Variants in MKLN1 observed in about 807,000 individuals in gnomAD.
The protein encoded by MKLN1 is muskelin 1.
MKLN1 carries 18 observed loss-of-function variants against 99.0 expected under a neutral mutation model. The observed-to-expected ratio is 0.18, with a 90% CI of 0.13 to 0.27. The LOEUF is 0.27. Ranked by LOEUF, MKLN1 falls within the 10% of genes least tolerant of loss-of-function variation. The pLI is 1.00. For missense variants in MKLN1, 621 were observed against 875.9 expected, an observed-to-expected ratio of 0.71 and a Z score of 3.67; for synonymous variants, 288 against 293.2, an observed-to-expected ratio of 0.98 and a Z score of 0.18.
chr7:131,263,585 T>G (rs1346490411), intron 3 of MKLN1, among the ~76,000 whole-genome samples: 1 of 151,658 alleles, frequency 6.6e-6, no homozygotes, highest in Admixed American at 6.6e-5. Context: ...CTTTTTTTTT[T>G]TTTTGAGACT....
At chr7:131,389,463 A>AT (rs981951381) in intron 4 of MKLN1, among the ~76,000 whole-genome samples, 6 of 151,638 alleles carry the variant, frequency 4.0e-5, no homozygotes, top group South Asian at 2.1e-4. Context: ...TTATTTATTT[A>AT]TTTTTTTTAG....
intron 3 of MKLN1, among the ~76,000 whole-genome samples, chr7:131,266,892 G>T (rs1369656753): frequency 6.6e-6 from 1 of 151,888 alleles, no homozygotes; most frequent in Non-Finnish European, 1.5e-5. Context: ...AAGGATAGAA[G>T]GAAAGTTTGT....
chr7:131,391,219 G>T (rs1310580178), intron 4 of MKLN1, among the ~76,000 whole-genome samples: 1 of 151,960 alleles, frequency 6.6e-6, no homozygotes, highest in Non-Finnish European at 1.5e-5. Context: ...TAGCACAGAC[G>T]TTTATTTCAT....
intron 9 of MKLN1, among the ~76,000 whole-genome samples, chr7:131,434,584 C>A (rs1795623929): frequency 6.6e-6 from 1 of 152,038 alleles, no homozygotes; most frequent in African/African-American, 2.4e-5. Flanking sequence ...GAGACAGAGT[C>A]TTTCTGTTGC....
At chr7:131,483,920 C>A (rs941729425) in intron 17 of MKLN1, among the ~76,000 whole-genome samples, 1 of 152,178 alleles carries the variant, frequency 6.6e-6, no homozygotes, top group Non-Finnish European at 1.5e-5. Context: ...GGCAAATTCA[C>A]AAATATGGAA....
exon 2 of MKLN1, chr7:131,142,885 A>G (rs1374562219): frequency 5.4e-6 from 7 of 1,303,696 alleles, no homozygotes; most frequent in African/African-American, 1.5e-5. Context: ...TCCTGACTCC[A>G]TAAACTATTG....
intron 3 of MKLN1, among the ~76,000 whole-genome samples, chr7:131,271,283 C>A (rs2116557332): frequency 1.3e-5 from 2 of 152,234 alleles, no homozygotes; most frequent in African/African-American, 4.8e-5. Context: ...GTGAATAAAC[C>A]TTTGCCACGT....
chr7:131,412,447 G>T lies in MKLN1; in HGVS notation c.781+1064G>T, dbSNP rs920139873. Reference sequence around the variant, plus strand: ...TATAACCAGCTACTAATAAAAACTAGTGTAATAATTGTAATAAAAATAAAT... The same window carrying T: ...TATAACCAGCTACTAATAAAAACTATTGTAATAATTGTAATAAAAATAAAT... On this transcript the variant is annotated intron_variant, in intron 7 of 17. Transcript: ENST00000352689. Among the ~76,000 whole-genome samples, 46 of 152,292 alleles carry T rather than the reference G, an allele frequency of 3.0e-4. 1 individual carries two copies. The highest frequency in any genetic ancestry group is 3.4e-3 in the Middle Eastern group (1 of 294).
At chr7:131,169,157 G>T (rs528499894) in intron 2 of MKLN1, among the ~76,000 whole-genome samples, 1 of 152,138 alleles carries the variant, frequency 6.6e-6, no homozygotes, top group Non-Finnish European at 1.5e-5. Context: ...GAGCCACCTC[G>T]CCCGGCCAGC....
At chr7:131,333,707 T>G (rs1414458274) in intron 1 of MKLN1, among the ~76,000 whole-genome samples, 2 of 152,142 alleles carry the variant, frequency 1.3e-5, no homozygotes, top group African/African-American at 2.4e-5. Context: ...CAGCTAATTT[T>G]TTGTATTTTT....
At chr7:131,227,239 T>A (rs1416301348) in intron 3 of MKLN1, among the ~76,000 whole-genome samples, 2 of 152,204 alleles carry the variant, frequency 1.3e-5, no homozygotes, top group African/African-American at 4.8e-5. Flanking sequence ...AAACCTTCCT[T>A]GCCTCTGGGC....
intron 2 of MKLN1, among the ~76,000 whole-genome samples, chr7:131,145,199 C>A (rs190166721): frequency 6.6e-6 from 1 of 152,118 alleles, no homozygotes; most frequent in Non-Finnish European, 1.5e-5. Flanking sequence ...TCTCCCCACC[C>A]CCAATCCTGA....
At chr7:131,195,877 A>G (rs540734039) in intron 2 of MKLN1, among the ~76,000 whole-genome samples, 16 of 152,164 alleles carry the variant, frequency 1.1e-4, no homozygotes, top group African/African-American at 9.6e-5. Context: ...CTTGAACCCA[A>G]GAGGCAGAGG....
chr7:131,334,256 T>C (rs757317867), intron 1 of MKLN1, among the ~76,000 whole-genome samples: 8 of 152,224 alleles, frequency 5.3e-5, no homozygotes, highest in Non-Finnish European at 8.8e-5. Context: ...TTTGGAGGCA[T>C]GCAACTCCCA....
intron 6 of MKLN1, among the ~76,000 whole-genome samples, chr7:131,401,375 A>T (rs553396669): frequency 4.6e-5 from 7 of 152,334 alleles, no homozygotes; most frequent in East Asian, 1.9e-4. Flanking sequence ...GATGATAGGC[A>T]AAAGTAATCA....
At chr7:131,287,802 A>G (rs1798155001) in intron 3 of MKLN1, among the ~76,000 whole-genome samples, 1 of 152,064 alleles carries the variant, frequency 6.6e-6, no homozygotes. Flanking sequence ...TGATTGGATC[A>G]TGGGGGAGGT....
At chr7:131,116,450 TATAGGCA>T (rs1795279594) in intron 1 of MKLN1, among the ~76,000 whole-genome samples, 1 of 152,000 alleles carries the variant, frequency 6.6e-6, no homozygotes, top group Non-Finnish European at 1.5e-5. Context: ...ATGGAATAGG[TATAGGCA>T]TAAGGCAGTC....
chr7:131,347,717 A>C (rs150981447), intron 1 of MKLN1, among the ~76,000 whole-genome samples: 280 of 152,280 alleles, frequency 1.8e-3, no homozygotes, highest in African/African-American at 5.9e-3. Context: ...CTGTTTTCTC[A>C]GCATTTCATT....
intron 1 of MKLN1, among the ~76,000 whole-genome samples, chr7:131,141,757 T>C (rs1253636634): frequency 6.6e-6 from 1 of 152,152 alleles, no homozygotes; most frequent in East Asian, 1.9e-4. Flanking sequence ...TTAGGTTACC[T>C]CCTAGGGCTC....
Sources: gnomAD v4.1 joint callset for allele counts (sites outside exome capture counted in the v4.1 genomes callset) on GRCh38, gnomAD v4.1.1 for gene constraint, MANE v1.5 for transcripts, NCBI Gene and HGNC (gene_info 2026-07-23, HGNC 2026-07-21) for gene names.